Variants in CSMD1 observed in about 807,000 individuals in gnomAD.
CSMD1 encodes CUB and sushi domain-containing protein 1.
In CSMD1, 213 loss-of-function variants were observed where a neutral mutation model predicts 417.5. The observed-to-expected ratio is 0.51, with a 90% CI of 0.46 to 0.57. The LOEUF (loss-of-function observed/expected upper bound fraction) is 0.57, where lower values mean the gene tolerates loss of function less well. Among genes scored for constraint, CSMD1 ranks in the 20% least tolerant of loss-of-function variants. The pLI is 0.00. For synonymous variants in CSMD1, 2,862 were observed against 1,736.8 expected, an observed-to-expected ratio of 1.65 and a Z score of -16.11; for missense variants, 6,923 against 4,529.7, an observed-to-expected ratio of 1.53 and a Z score of -15.17.
At chr8:4,019,488 G>T (rs888026099) in intron 4 of CSMD1, among the ~76,000 whole-genome samples, 1 of 151,978 alleles carries the variant, frequency 6.6e-6, no homozygotes, top group African/African-American at 2.4e-5. Context: ...TGTTTTACTG[G>T]GGCCCATTGC....
chr8:4,029,625 G>A (rs192038933), intron 4 of CSMD1, among the ~76,000 whole-genome samples: 8 of 151,980 alleles, frequency 5.3e-5, no homozygotes, highest in African/African-American at 1.7e-4. Flanking sequence ...GTTTTGGTAG[G>A]GACACAGCCA....
chr8:4,141,961 G>A lies in CSMD1; in HGVS notation c.416-109862C>T, dbSNP rs1015179746. On this transcript the variant is annotated intron_variant, in intron 3 of 69. Coordinates refer to ENST00000635120, the MANE Select transcript of CSMD1 (RefSeq NM_033225.6). ...CAAAATAACATCATGGTGTTAATTT[G>A]TTTATAAATTATGACATTAAATTTC... Among the ~76,000 whole-genome samples the A allele has an allele frequency of 6.0e-5, 9 of 150,820 alleles. 2 individuals are homozygous for A. Among genetic ancestry groups the A allele is most frequent in the African/African-American group, 2.2e-4 (9 of 40,252 alleles).
At chr8:4,181,423 C>T (rs1798366625) in intron 3 of CSMD1, among the ~76,000 whole-genome samples, 1 of 151,576 alleles carries the variant, frequency 6.6e-6, no homozygotes, top group African/African-American at 2.4e-5. Flanking sequence ...TTTGGCTTCC[C>T]TGGGCAACAT....
At chr8:3,286,797 T>A (rs1222709134) in intron 25 of CSMD1, among the ~76,000 whole-genome samples, 4 of 152,194 alleles carry the variant, frequency 2.6e-5, no homozygotes, top group African/African-American at 9.6e-5. Context: ...GATGGTAGTT[T>A]CTTGTGCTGT....
At chr8:4,032,543 G>A (rs113709855) in intron 3 of CSMD1, among the ~76,000 whole-genome samples, 1,559 of 152,204 alleles carry the variant, frequency 0.01, 29 homozygotes, top group East Asian at 0.059. Context: ...ATGCTTCCAC[G>A]ACTGGTACAG....
At chr8:4,223,843 GATA>G (rs1801189954) in intron 3 of CSMD1, among the ~76,000 whole-genome samples, 2 of 152,148 alleles carry the variant, frequency 1.3e-5, no homozygotes, top group Non-Finnish European at 2.9e-5. Context: ...TGTTGAGACT[GATA>G]ATGAACATGT....
intron 1 of CSMD1, among the ~76,000 whole-genome samples, chr8:4,984,464 T>C (rs1332011769): frequency 1.3e-5 from 2 of 152,194 alleles, no homozygotes; most frequent in Non-Finnish European, 2.9e-5. Context: ...CATCAGTGTT[T>C]ATAGGACCAT....
rs1801454160 is a variant in CSMD1 at position 2,936,230 on chromosome 8, T to G, written c.*2355A>C. The G allele has an allele frequency of 6.6e-6, 1 of 152,074 alleles. No homozygotes were observed. The highest frequency in any genetic ancestry group is 1.5e-5 in the Non-Finnish European group (1 of 68,024). 9.4% of individuals were successfully genotyped at this position (152,074 alleles called of 1,614,324 possible). On this transcript the variant is annotated 3_prime_UTR_variant, in exon 70 of 70. Transcript: ENST00000635120. ...AATTTGATATGTGGTTTCTTGTATG[T>G]ATGTATGTCCTGTCATTTCAGGATT...
At chr8:3,415,787 A>C (rs940155585) in intron 12 of CSMD1, among the ~76,000 whole-genome samples, 1 of 152,236 alleles carries the variant, frequency 6.6e-6, no homozygotes, top group Non-Finnish European at 1.5e-5. Context: ...ATCTGGAAAA[A>C]TGGAAAAGTA....
At chr8:4,541,717 A>C (rs1797396810) in intron 2 of CSMD1, among the ~76,000 whole-genome samples, 1 of 152,172 alleles carries the variant, frequency 6.6e-6, no homozygotes, top group Non-Finnish European at 1.5e-5. Flanking sequence ...CCTGGGTGAC[A>C]GAGTGAGACC....
chr8:3,107,822 A>G, intron 44 of CSMD1, 24 bp from the exon 45 acceptor site: 1 of 1,462,212 alleles, frequency 6.8e-7, no homozygotes, highest in Non-Finnish European at 9.4e-7. Flanking sequence ...GGAAAGAATA[A>G]TAATAATTGC....
intron 3 of CSMD1, among the ~76,000 whole-genome samples, chr8:4,299,241 C>G (rs1394489): frequency 3.3e-5 from 5 of 151,952 alleles, no homozygotes; most frequent in African/African-American, 1.2e-4. Flanking sequence ...AAATAAGACA[C>G]TGTAAATATT....
At chr8:3,549,312 T>G (rs1477099819) in intron 10 of CSMD1, among the ~76,000 whole-genome samples, 5 of 152,248 alleles carry the variant, frequency 3.3e-5, no homozygotes, top group Non-Finnish European at 5.9e-5. Flanking sequence ...TTTATTATCT[T>G]GCCCTTTACA....
chr8:4,681,196 A>G (rs188274955), intron 1 of CSMD1, among the ~76,000 whole-genome samples: 5 of 152,270 alleles, frequency 3.3e-5, no homozygotes, highest in African/African-American at 9.6e-5. Flanking sequence ...TGGCAATTGC[A>G]TTTTCTGTAG....
intron 1 of CSMD1, among the ~76,000 whole-genome samples, chr8:4,694,831 C>A (rs1807011799): frequency 6.6e-6 from 1 of 152,082 alleles, no homozygotes; most frequent in African/African-American, 2.4e-5. Flanking sequence ...TTGACCGAGA[C>A]CTGTCTCAGA....
Position 3,367,797 on chromosome 8 carries a change from G to T in CSMD1, c.2900-550C>A, listed in dbSNP as rs115035062. 3.4e-3 allele frequency among the ~76,000 whole-genome samples: 521 copies of T among 152,276 alleles called. 3 individuals carry two copies. Among genetic ancestry groups the T allele is most frequent in the African/African-American group, 0.012 (488 of 41,558 alleles). On this transcript the variant is annotated intron_variant, in intron 19 of 69. Coordinates refer to ENST00000635120, the MANE Select transcript of CSMD1 (RefSeq NM_033225.6). Reference sequence around the variant, plus strand: ...AGATATAGATGTACATATTGGCATAGATATGTATATTTAAGAAAAACAGGT... The same window carrying T: ...AGATATAGATGTACATATTGGCATATATATGTATATTTAAGAAAAACAGGT...
At chr8:3,425,062 G>C (rs904785400) in intron 12 of CSMD1, among the ~76,000 whole-genome samples, 1 of 152,114 alleles carries the variant, frequency 6.6e-6, no homozygotes, top group African/African-American at 2.4e-5. Flanking sequence ...CTGGTTCCAA[G>C]TCCCTGGGCT....
intron 7 of CSMD1, among the ~76,000 whole-genome samples, chr8:3,633,618 T>C (rs533628415): frequency 6.6e-6 from 1 of 152,222 alleles, no homozygotes; most frequent in Non-Finnish European, 1.5e-5. Context: ...TAAATTAATA[T>C]TTCCTAATTT....
intron 1 of CSMD1, among the ~76,000 whole-genome samples, chr8:4,787,002 G>A (rs1322039765): frequency 6.6e-6 from 1 of 152,214 alleles, no homozygotes; most frequent in Non-Finnish European, 1.5e-5. Context: ...GAGACCCCGT[G>A]TGTGTGGCAA....
Sources: allele counts gnomAD v4.1 joint callset (sites outside exome capture counted in the v4.1 genomes callset), GRCh38; gene constraint gnomAD v4.1.1; transcripts MANE v1.5; gene names NCBI Gene and HGNC (gene_info 2026-07-23, HGNC 2026-07-21).